The following WNT8B variants were observed in gnomAD, a reference collection of about 807,000 sequenced individuals.
WNT8B encodes the protein Wnt family member 8B.
WNT8B carries 24 observed loss-of-function variants against 36.6 expected under a neutral mutation model. That is an observed-to-expected ratio of 0.66 (90% CI 0.48 to 0.92). The LOEUF is 0.92. Among genes scored for constraint, WNT8B ranks in the 40% least tolerant of loss-of-function variants. The probability of loss-of-function intolerance (pLI) is 0.00; values close to 1 mark genes in which losing one functional copy is unlikely to be tolerated. For synonymous variants in WNT8B, 199 were observed against 189.8 expected (o/e 1.05, Z -0.40); for missense variants, 402 against 470.8 (o/e 0.85, Z 1.35).
chr10:100,463,937 A>T (rs1850884633), intron 1 of WNT8B, among the ~76,000 whole-genome samples: 1 of 152,198 alleles, frequency 6.6e-6, no homozygotes, highest in Non-Finnish European at 1.5e-5. Flanking sequence ...AGCTCTTGGA[A>T]ACCACATAAA....
In WNT8B at chr10:100,463,084, C is replaced by A; in HGVS notation, c.-85C>A. On this transcript the variant is annotated 5_prime_UTR_variant, in exon 1 of 6. It adds an upstream start codon to the 5' untranslated region. Coordinates refer to ENST00000343737, the MANE Select transcript of WNT8B (RefSeq NM_003393.4). Reference sequence around the variant, plus strand: ...GTTGGGCTTTGAGAATTCCATCCCACTGGCACTGAGGAGAATATTTCTCCG... The same window carrying A: ...GTTGGGCTTTGAGAATTCCATCCCAATGGCACTGAGGAGAATATTTCTCCG... The A allele has an allele frequency of 7.8e-7, 1 of 1,287,876 alleles. No homozygotes were observed. The allele number at this position is 1,287,876 out of a possible 1,614,324, so 79.8% of individuals were successfully genotyped here.
In WNT8B at chr10:100,479,910, G is replaced by T; in HGVS notation, c.139G>T (p.Ala47Ser). ...TTACTCCAGCAGTGTGGCAGCTGGT[G>T]CCCAGAGTGGTATTGAAGAATGCAA... is the stretch of plus-strand genomic sequence containing the variant. ...LIYSSSVAAGAQSGIEECKYQ... is the reference protein window; with the variant it reads ...LIYSSSVAAGSQSGIEECKYQ... The change falls in exon 3 of 6, where the codon GCC becomes TCC. Residue 47 changes from alanine (A) to serine (S), a missense_variant. By Grantham distance (99) the Ala-to-Ser change is moderately conservative. Coordinates refer to ENST00000343737, the MANE Select transcript of WNT8B (RefSeq NM_003393.4). 1 of 1,614,040 alleles carries T rather than the reference G, an allele frequency of 6.2e-7. No individual in the cohort carries two copies. Among genetic ancestry groups the T allele is most frequent in the South Asian group, 1.1e-5 (1 of 91,074 alleles).
intron 1 of WNT8B, among the ~76,000 whole-genome samples, chr10:100,477,549 T>C (rs1851053645): frequency 6.6e-6 from 1 of 152,176 alleles, no homozygotes; most frequent in Admixed American, 6.6e-5. Context: ...TCTGCCTGCC[T>C]TGGCCTCCCA....
In WNT8B at chr10:100,481,107, C is replaced by G; in HGVS notation, c.351C>G (p.Ser117=). The change falls in exon 4 of 6, where the codon TCC becomes TCG. Residue 117 remains serine, a synonymous_variant. Coordinates refer to ENST00000343737, the MANE Select transcript of WNT8B (RefSeq NM_003393.4). The part of the protein sequence containing the change: ...GDFDNCGCDD[S]RNGQLGGQGW... The stretch of plus-strand genomic sequence containing the variant: ...TTGATAACTGTGGCTGTGATGACTC[C>G]CGCAACGGGCAACTGGGTGAGTAGT... The G allele has an allele frequency of 6.2e-7, 1 of 1,613,990 alleles. No homozygotes were observed. The highest frequency in any genetic ancestry group is 8.5e-7 in the Non-Finnish European group (1 of 1,179,996).
intron 2 of WNT8B, 124 bp downstream of exon 2, chr10:100,479,209 A>C: frequency 2.2e-6 from 2 of 921,486 alleles, no homozygotes; most frequent in South Asian, 2.2e-5. Flanking sequence ...TACAGATAGA[A>C]AGATTGAGAC....
chr10:100,477,464 T>A (rs368323675), intron 1 of WNT8B, among the ~76,000 whole-genome samples: 4 of 151,866 alleles, frequency 2.6e-5, no homozygotes, highest in African/African-American at 9.7e-5. Context: ...CACGCCTGGC[T>A]AATTTTTTGT....
chr10:100,468,746 C>T (rs569894398), intron 1 of WNT8B, among the ~76,000 whole-genome samples: 8 of 152,306 alleles, frequency 5.3e-5, no homozygotes, highest in Admixed American at 5.2e-4. Flanking sequence ...AGATGATCCC[C>T]CGAACATTTG....
In WNT8B at chr10:100,482,162, C is replaced by T; in HGVS notation, c.510+108C>T. ...TTAAAAGATTGGCAAAATGAGGTAC[C>T]AAGTGGGCTGGCCCAGTAGACTAAC... On this transcript the variant is annotated intron_variant, in intron 5 of 5. Transcript: ENST00000343737. The surrounding 1 kb of genome is among the most constrained non-coding windows in gnomAD (Gnocchi z 6.6). 6.4e-7 allele frequency: 1 copy of T among 1,558,276 alleles called. No individual in the cohort carries two copies. The highest frequency in any genetic ancestry group is 1.2e-5 in the South Asian group (1 of 83,594).
chr10:100,470,575 G>T (rs1850965151), intron 1 of WNT8B, among the ~76,000 whole-genome samples: 1 of 151,898 alleles, frequency 6.6e-6, no homozygotes, highest in African/African-American at 2.4e-5. Context: ...TGGGATTAAA[G>T]GTTGGGGAGA....
At position 100,479,858 on chromosome 10, in the gene WNT8B, C is replaced by T. The variant is rs773914331; in HGVS notation, c.103-16C>T. 1.9e-6 allele frequency: 3 copies of T among 1,612,600 alleles called. No homozygotes were observed. The highest frequency in any genetic ancestry group is 2.5e-6 in the Non-Finnish European group (3 of 1,179,190). On this transcript the variant is annotated splice_polypyrimidine_tract_variant and intron_variant, in intron 2 of 5. Coordinates refer to ENST00000343737, the MANE Select transcript of WNT8B (RefSeq NM_003393.4). The stretch of plus-strand genomic sequence containing the variant: ...TCCTAAGTTCAGTCTGAATTTTTAC[C>T]CCTATGTCCCTACAGGCTTACCTGA...
At chr10:100,466,648 A>T (rs1167379528) in intron 1 of WNT8B, among the ~76,000 whole-genome samples, 1 of 152,128 alleles carries the variant, frequency 6.6e-6, no homozygotes, top group East Asian at 1.9e-4. Context: ...CATGACACAA[A>T]GAAGGATCTC....
chr10:100,466,397 GT>G (rs1850907713), intron 1 of WNT8B, among the ~76,000 whole-genome samples: 1 of 152,020 alleles, frequency 6.6e-6, no homozygotes, highest in Non-Finnish European at 1.5e-5. Context: ...TAATTCCCAG[GT>G]TTATCAATGA....
intron 1 of WNT8B, among the ~76,000 whole-genome samples, chr10:100,472,964 A>G (rs893253120): frequency 6.6e-6 from 1 of 152,190 alleles, no homozygotes; most frequent in African/African-American, 2.4e-5. Flanking sequence ...CAGGCTTCCT[A>G]TATTTCTCAA....
At chr10:100,470,065 G>C (rs542913765) in intron 1 of WNT8B, among the ~76,000 whole-genome samples, 1 of 152,198 alleles carries the variant, frequency 6.6e-6, no homozygotes, top group Admixed American at 6.5e-5. Flanking sequence ...CCTTTCCCCT[G>C]GGCCAGCACT....
intron 4 of WNT8B, 45 bp downstream of exon 4, chr10:100,481,168 C>A: frequency 1.9e-6 from 3 of 1,603,172 alleles, no homozygotes; most frequent in Non-Finnish European, 2.6e-6. Context: ...AGCCAACGCA[C>A]ATAAAGAATG....
chr10:100,464,321 A>T (rs1850888227), intron 1 of WNT8B, among the ~76,000 whole-genome samples: 1 of 152,166 alleles, frequency 6.6e-6, no homozygotes, highest in South Asian at 2.1e-4. Flanking sequence ...ACCACCAATT[A>T]GTCCATTTTT....
At position 100,482,273 on chromosome 10, in the gene WNT8B, G is replaced by A. The variant is rs9420786; in HGVS notation, c.513G>A (p.Ala171=). The A allele has an allele frequency of 4.5e-3, 7,151 of 1,582,078 alleles. 168 individuals are homozygous for A. In the African/African-American group the frequency reaches 0.063, roughly 14 times the overall value. Reference sequence around the variant, plus strand: ...CTCACTCCTAGCTCTCTCCCCAGGCGGTGAAGGGCACCATGAAACGCACGT... The same window carrying A: ...CTCACTCCTAGCTCTCTCCCCAGGCAGTGAAGGGCACCATGAAACGCACGT... ...NLHNNEAGRK[A]VKGTMKRTCK... Residue 171 remains alanine (A), a splice_region_variant and synonymous_variant, in exon 6 of 6, where the codon GCG becomes GCA. Coordinates refer to ENST00000343737, the MANE Select transcript of WNT8B (RefSeq NM_003393.4). This position sits in a 1 kb window ranked among gnomAD's most constrained non-coding sequence, Gnocchi z 6.6.
chr10:100,482,900 A>C lies in WNT8B; in HGVS notation c.*84A>C. ...TAATTGTGGAACCTAGGGAATGGGG[A>C]ACCCGCTCTCCCAGACCTAGGGATC... On this transcript the variant is annotated 3_prime_UTR_variant, in exon 6 of 6. Transcript: ENST00000343737. This position sits in a 1 kb window ranked among gnomAD's most constrained non-coding sequence, Gnocchi z 6.6. 7.2e-7 allele frequency: 1 copy of C among 1,383,564 alleles called. No homozygotes were observed. 85.7% of individuals were successfully genotyped at this position (1,383,564 alleles called of 1,614,324 possible). A position where few individuals can be genotyped will look rare whatever the true frequency, so the allele number is the denominator to read the frequency against.
At chr10:100,469,914 T>C (rs1389978724) in intron 1 of WNT8B, among the ~76,000 whole-genome samples, 1 of 152,218 alleles carries the variant, frequency 6.6e-6, no homozygotes, top group Non-Finnish European at 1.5e-5. Flanking sequence ...GCTGCATCAC[T>C]GGAGAACCTT....
Sources: gnomAD v4.1 joint callset for allele counts (sites outside exome capture counted in the v4.1 genomes callset) on GRCh38, gnomAD v4.1.1 for gene constraint, Gnocchi (gnomAD v3.1) non-coding constraint, MANE v1.5 for transcripts, NCBI Gene and HGNC (gene_info 2026-07-23, HGNC 2026-07-21) for gene names.